The following ZFYVE9 variants were observed in gnomAD, a reference collection of about 807,000 sequenced individuals.
ZFYVE9 encodes zinc finger FYVE-type containing 9.
ZFYVE9 carries 43 observed loss-of-function variants against 126.7 expected under a neutral mutation model. That is an observed-to-expected ratio of 0.34 (90% CI 0.27 to 0.44). The LOEUF (loss-of-function observed/expected upper bound fraction) is 0.44, where lower values mean the gene tolerates loss of function less well. Among genes scored for constraint, ZFYVE9 ranks in the 20% least tolerant of loss-of-function variants. The pLI, the probability that ZFYVE9 is intolerant of heterozygous loss-of-function variation, is 1.00. For missense variants in ZFYVE9, 1,476 were observed against 1,697.0 expected, an observed-to-expected ratio of 0.87 and a Z score of 2.29; for synonymous variants, 521 against 597.4, an observed-to-expected ratio of 0.87 and a Z score of 1.87.
chr1:52,240,876 A>G (rs1242763766), intron 4 of ZFYVE9, among the ~76,000 whole-genome samples: 1 of 152,196 alleles, frequency 6.6e-6, no homozygotes, highest in African/African-American at 2.4e-5. Flanking sequence ...TTATCTAATC[A>G]ATCATGATTT....
intron 13 of ZFYVE9, among the ~76,000 whole-genome samples, chr1:52,310,144 C>G (rs1646124660): frequency 6.6e-6 from 1 of 151,896 alleles, no homozygotes; most frequent in African/African-American, 2.4e-5. Context: ...GCCAAATTTT[C>G]TGTTAATAGG....
rs755710681 is a variant in ZFYVE9 at position 52,266,650 on chromosome 1, T to C, written c.2279-5T>C. The C allele has an allele frequency of 1.3e-6, 2 of 1,585,138 alleles. No individual in the cohort carries two copies. Among genetic ancestry groups the C allele is most frequent in the East Asian group, 2.3e-5 (1 of 43,882 alleles). On this transcript the variant is annotated splice_region_variant and splice_polypyrimidine_tract_variant and intron_variant, in intron 5 of 18. Transcript: ENST00000287727. Reference sequence around the variant, plus strand: ...TCACATTGATTGTGTCTGTATTTGCTTTAGCTCAAGCCTGGGAGAACATGA... The same window carrying C: ...TCACATTGATTGTGTCTGTATTTGCCTTAGCTCAAGCCTGGGAGAACATGA...
intron 12 of ZFYVE9, among the ~76,000 whole-genome samples, chr1:52,300,704 A>G (rs958156211): frequency 6.6e-6 from 1 of 151,108 alleles, no homozygotes; most frequent in Non-Finnish European, 1.5e-5. Flanking sequence ...CCTTCTGCCA[A>G]AATGATTGCC....
chr1:52,323,807 C>T (rs1373753023), intron 13 of ZFYVE9, among the ~76,000 whole-genome samples: 1 of 148,430 alleles, frequency 6.7e-6, no homozygotes, highest in Non-Finnish European at 1.5e-5. Context: ...CCCAGCTATT[C>T]GGGAGGCTGA....
At chr1:52,148,034 C>T (rs966411759) in intron 1 of ZFYVE9, among the ~76,000 whole-genome samples, 21 of 151,998 alleles carry the variant, frequency 1.4e-4, no homozygotes, top group African/African-American at 5.1e-4. Context: ...CCACCCACAG[C>T]CTCCCAAAGT....
chr1:52,142,150 G>C lies in ZFYVE9; in HGVS notation c.-396G>C, dbSNP rs1367151128. 1 of 151,370 alleles carries C rather than the reference G, an allele frequency of 6.6e-6. No homozygotes were observed. The highest frequency in any genetic ancestry group is 1.9e-4 in the East Asian group (1 of 5,178). 9.4% of individuals were successfully genotyped at this position (151,370 alleles called of 1,614,324 possible). ...GCCGCACCTCGGTCGTCCCGCCGCA[G>C]CCTTGCGCCCCCGGCCCGGCTCGGC... On this transcript the variant is annotated 5_prime_UTR_variant, in exon 1 of 19. Transcript: ENST00000287727. The surrounding 1 kb of genome is among the most constrained non-coding windows in gnomAD (Gnocchi z 4.5).
intron 1 of ZFYVE9, among the ~76,000 whole-genome samples, chr1:52,187,928 A>G (rs562561545): frequency 1.3e-5 from 2 of 152,246 alleles, no homozygotes; most frequent in South Asian, 2.1e-4. Flanking sequence ...TGATTCCTCA[A>G]AGAGCTAAAA....
chr1:52,250,144 C>T (rs890782938), intron 4 of ZFYVE9, among the ~76,000 whole-genome samples: 12 of 152,120 alleles, frequency 7.9e-5, no homozygotes, highest in Non-Finnish European at 1.5e-4. Flanking sequence ...TCTGTTTCTG[C>T]AGAAAACATG....
At chr1:52,232,311 C>A (rs1042101739) in intron 2 of ZFYVE9, among the ~76,000 whole-genome samples, 1 of 152,138 alleles carries the variant, frequency 6.6e-6, no homozygotes, top group African/African-American at 2.4e-5. Flanking sequence ...TACTTAACAC[C>A]TATTATGTGC....
At chr1:52,227,347 TCTC>T (rs1645179980) in intron 2 of ZFYVE9, among the ~76,000 whole-genome samples, 1 of 101,130 alleles carries the variant, frequency 9.9e-6, no homozygotes, top group Non-Finnish European at 1.9e-5. Flanking sequence ...CTTGCCAAAA[TCTC>T]ATCCTTCAGG....
rs193072606 is a variant in ZFYVE9 at position 52,314,762 on chromosome 1, A to G, written c.3438+10837A>G. ...TTGAGGCAAAGGTTGCAGTGAGCCG[A>G]GATTGCACCACTGCACTCCAACTTG... is the stretch of plus-strand genomic sequence containing the variant. On this transcript the variant is annotated intron_variant, in intron 13 of 18. Coordinates refer to ENST00000287727, the MANE Select transcript of ZFYVE9 (RefSeq NM_004799.4). 2.3e-3 allele frequency among the ~76,000 whole-genome samples: 353 copies of G among 152,080 alleles called. 7 individuals are homozygous for G. Among genetic ancestry groups the G allele is most frequent in the African/African-American group, 8.3e-3 (346 of 41,492 alleles).
intron 13 of ZFYVE9, among the ~76,000 whole-genome samples, chr1:52,323,417 C>T (rs1646259943): frequency 6.6e-6 from 1 of 152,086 alleles, no homozygotes; most frequent in South Asian, 2.1e-4. Flanking sequence ...GTTTTTGTCT[C>T]CTCCTCCTAC....
intron 1 of ZFYVE9, among the ~76,000 whole-genome samples, chr1:52,147,469 G>A (rs1043615753): frequency 6.6e-6 from 1 of 152,104 alleles, no homozygotes; most frequent in Non-Finnish European, 1.5e-5. Flanking sequence ...TTTGCCTATC[G>A]AGACATTTCA....
At chr1:52,192,025 C>T (rs975861538) in intron 1 of ZFYVE9, among the ~76,000 whole-genome samples, 1 of 72,506 alleles carries the variant, frequency 1.4e-5, no homozygotes, top group Non-Finnish European at 3.9e-5. Context: ...CAGTAATTGG[C>T]AGGGGCTTTT....
intron 13 of ZFYVE9, among the ~76,000 whole-genome samples, chr1:52,332,240 T>G (rs2147869660): frequency 6.6e-6 from 1 of 152,254 alleles, no homozygotes; most frequent in Admixed American, 6.5e-5. Context: ...ATGTTAAATC[T>G]TTTGAGAAGA....
chr1:52,247,231 G>C (rs1191714706), intron 4 of ZFYVE9, among the ~76,000 whole-genome samples: 2 of 152,160 alleles, frequency 1.3e-5, no homozygotes. Context: ...AGATAACTTA[G>C]GTGCAAAGTG....
Position 52,274,555 on chromosome 1 carries a change from C to A in ZFYVE9, c.2717C>A (p.Pro906His). 2 of 1,612,288 alleles carry A rather than the reference C, an allele frequency of 1.2e-6. No individual in the cohort carries two copies. Among genetic ancestry groups the A allele is most frequent in the Non-Finnish European group, 1.7e-6 (2 of 1,178,892 alleles). ...CTTATTCCTGAAGATGGCCTTCCTC[C>A]CATTCTCATCTCCACTGGTGTAAAA... ...MNLIPEDGLP[P>H]ILISTGVKGD... The change falls in exon 8 of 19, where the codon CCC becomes CAC. Residue 906 changes from proline (P) to histidine (H), a missense_variant. Around this residue, in one of 2 missense-constraint regions of ZFYVE9, gnomAD observed 669 missense variants for 902.4 expected, o/e 0.74. Coordinates refer to ENST00000287727, the MANE Select transcript of ZFYVE9 (RefSeq NM_004799.4).
intron 2 of ZFYVE9, among the ~76,000 whole-genome samples, chr1:52,226,727 A>G (rs1645173980): frequency 6.6e-6 from 1 of 152,200 alleles, no homozygotes; most frequent in Non-Finnish European, 1.5e-5. Context: ...ATCAATCAAC[A>G]TATGTAAGAT....
intron 1 of ZFYVE9, among the ~76,000 whole-genome samples, chr1:52,170,024 TAAG>T (rs755743551): frequency 2.8e-4 from 43 of 152,332 alleles, no homozygotes; most frequent in Middle Eastern, 3.4e-3. Context: ...AGATTTTACT[TAAG>T]AAGATTTTGA....
Sources: gnomAD v4.1 joint callset for allele counts (sites outside exome capture counted in the v4.1 genomes callset) on GRCh38, gnomAD v4.1.1 for gene constraint, gnomAD v4.1.1 regional missense constraint, Gnocchi (gnomAD v3.1) non-coding constraint, MANE v1.5 for transcripts, NCBI Gene and HGNC (gene_info 2026-07-23, HGNC 2026-07-21) for gene names.